ATRN: variants seen among roughly 807,000 people sequenced by gnomAD.
ATRN encodes attractin, also known as attractin-2.
A neutral mutation model predicts 178.7 loss-of-function variants in ATRN; 54 were observed. That is an observed-to-expected ratio of 0.30 (90% confidence interval 0.24 to 0.38). The LOEUF is 0.38. ATRN is among the 10% of genes least tolerant of loss of function. The pLI, the probability that ATRN is intolerant of heterozygous loss-of-function variation, is 1.00. For missense variants in ATRN, 1,443 were observed against 1,815.1 expected (o/e 0.79, Z 3.73); for synonymous variants, 636 against 663.0 (o/e 0.96, Z 0.63).
chr20:3,627,034 G>A (rs754793756), intron 25 of ATRN, among the ~76,000 whole-genome samples: 3 of 152,040 alleles, frequency 2.0e-5, no homozygotes, highest in East Asian at 1.9e-4. Context: ...TGATCCACCC[G>A]CCTCTGCCTC....
In ATRN at chr20:3,604,250, C is replaced by A; in HGVS notation, c.3789C>A (p.Pro1263=). ...TTTATGTCAGTAATTTCACCTGGCCCATCAAAATTCAGGTAAGAAGAGGCT... is the reference window on the plus strand; with the variant it reads ...TTTATGTCAGTAATTTCACCTGGCCAATCAAAATTCAGGTAAGAAGAGGCT... The part of the protein sequence containing the change: ...FFVYVSNFTW[P]IKIQIAFSQH... The change falls in exon 24 of 29, where the codon CCC becomes CCA. Residue 1263 remains proline, a synonymous_variant. Transcript: ENST00000262919. 6.3e-7 allele frequency: 1 copy of A among 1,599,084 alleles called. No homozygotes were observed. Among genetic ancestry groups the A allele is most frequent in the Non-Finnish European group, 8.5e-7 (1 of 1,175,878 alleles).
chr20:3,512,826 G>A (rs962667578), intron 1 of ATRN, among the ~76,000 whole-genome samples: 1 of 152,100 alleles, frequency 6.6e-6, no homozygotes, highest in Non-Finnish European at 1.5e-5. Context: ...GATATCTCAT[G>A]GTGGTTTTGA....
intron 1 of ATRN, among the ~76,000 whole-genome samples, chr20:3,533,735 T>A (rs1219159382): frequency 1.3e-5 from 2 of 152,210 alleles, no homozygotes; most frequent in Non-Finnish European, 2.9e-5. Flanking sequence ...CATTACTATT[T>A]AGGTTTTTCT....
In ATRN at chr20:3,471,073, A is replaced by C. The variant is rs537694946; in HGVS notation, c.-35A>C. ...GGAGCCGGCCGTGCGGTGTGTGTGTATGTGTTCGCGGGGCGCCGTCTCAGC... is the reference window on the plus strand; with the variant it reads ...GGAGCCGGCCGTGCGGTGTGTGTGTCTGTGTTCGCGGGGCGCCGTCTCAGC... On this transcript the variant is annotated 5_prime_UTR_variant, in exon 1 of 29. It removes an upstream start codon present in the reference 5' UTR. Transcript: ENST00000262919. 3.4e-5 allele frequency: 51 copies of C among 1,484,306 alleles called. No individual in the cohort carries two copies. Among genetic ancestry groups the C allele is most frequent in the South Asian group, 2.3e-4 (19 of 81,100 alleles). 91.9% of individuals were successfully genotyped at this position (1,484,306 alleles called of 1,614,324 possible).
chr20:3,580,231 TATTAC>T (rs1227932387), intron 15 of ATRN, among the ~76,000 whole-genome samples: 9 of 152,196 alleles, frequency 5.9e-5, no homozygotes, highest in African/African-American at 2.2e-4. Flanking sequence ...CAGCTTTGCT[TATTAC>T]CCTGGTGTCT....
intron 24 of ATRN, among the ~76,000 whole-genome samples, chr20:3,608,666 G>A (rs1395172740): frequency 6.6e-6 from 1 of 151,990 alleles, no homozygotes; most frequent in Admixed American, 6.6e-5. Context: ...TGTTCTTTTT[G>A]CTCAGAAATG....
At position 3,565,383 on chromosome 20, in the gene ATRN, C is replaced by G. The variant is rs2086017931; in HGVS notation, c.1822C>G (p.Leu608Val). 6.8e-6 allele frequency: 11 copies of G among 1,614,146 alleles called. No homozygotes were observed. The highest frequency in any genetic ancestry group is 9.3e-6 in the Non-Finnish European group (11 of 1,180,004). ...DRWSVLPRPD[L>V]HHDVNRFGHS... Reference sequence around the variant, plus strand: ...CTGGTCAGTGCTTCCCAGACCTGATCTCCACCATGATGTCAACAGATTTGG... The same window carrying G: ...CTGGTCAGTGCTTCCCAGACCTGATGTCCACCATGATGTCAACAGATTTGG... Residue 608 changes from leucine (L) to valine (V), a missense_variant, in exon 11 of 29, where the codon CTC becomes GTC. This residue lies in a region of ATRN where 862 missense variants were observed against 972.1 expected (regional missense o/e 0.89). Transcript: ENST00000262919.
chr20:3,547,979 C>T (rs529934389), intron 5 of ATRN, among the ~76,000 whole-genome samples: 15 of 152,286 alleles, frequency 9.8e-5, no homozygotes, highest in African/African-American at 3.6e-4. Context: ...TTCTTGTAAA[C>T]TTACCCCTTC....
At chr20:3,595,648 T>C (rs1451089327) in intron 20 of ATRN, among the ~76,000 whole-genome samples, 1 of 152,190 alleles carries the variant, frequency 6.6e-6, no homozygotes, top group African/African-American at 2.4e-5. Flanking sequence ...AACAAAGACA[T>C]GAGGTGGCAT....
At position 3,479,171 on chromosome 20, in the gene ATRN, A is replaced by G. The variant is rs143383016; in HGVS notation, c.410+7654A>G. Among the ~76,000 whole-genome samples, 752 of 152,234 alleles carry G rather than the reference A, an allele frequency of 4.9e-3. 4 individuals are homozygous for G. The highest frequency in any genetic ancestry group is 0.021 in the Middle Eastern group (6 of 292). The stretch of plus-strand genomic sequence containing the variant: ...CTCCCAAAGTGCTGGGATTACAGGC[A>G]TGAGCCACTGCACCTGACCCCTATT... On this transcript the variant is annotated intron_variant, in intron 1 of 28. Transcript: ENST00000262919.
intron 1 of ATRN, among the ~76,000 whole-genome samples, chr20:3,525,731 C>T (rs1160047337): frequency 6.6e-6 from 1 of 152,198 alleles, no homozygotes; most frequent in African/African-American, 2.4e-5. Flanking sequence ...CCCTGGGATG[C>T]AAGATGGGTT....
chr20:3,505,704 T>C (rs2085033880), intron 1 of ATRN, among the ~76,000 whole-genome samples: 1 of 152,172 alleles, frequency 6.6e-6, no homozygotes, highest in Non-Finnish European at 1.5e-5. Context: ...TGAAGAAACA[T>C]GACCCAACTA....
rs1051291591 is a variant in ATRN, at chr20:3,650,036, C to G, written c.*3189C>G. The G allele has an allele frequency of 2.0e-5, 3 of 152,236 alleles. No individual in the cohort carries two copies. Among genetic ancestry groups the G allele is most frequent in the Non-Finnish European group, 4.4e-5 (3 of 68,108 alleles). The allele number at this position is 152,236 out of a possible 1,614,324, so 9.4% of individuals were successfully genotyped here. On this transcript the variant is annotated 3_prime_UTR_variant, in exon 29 of 29. Transcript: ENST00000262919. ...GCAACCCCAGATCCCCTGAGCTAAC[C>G]CGGAGGAAAGGCAGTCCTGGACAGA...
In ATRN at chr20:3,610,742, C is replaced by CTT. The variant is rs71195847; in HGVS notation, c.3801+6504_3801+6505dup. Among the ~76,000 whole-genome samples, 245 of 65,256 alleles carry CTT rather than the reference C, an allele frequency of 3.8e-3. 4 individuals carry two copies. Among genetic ancestry groups the CTT allele is most frequent in the African/African-American group, 0.011 (166 of 15,126 alleles). The allele number at this position is 65,256 out of a possible 152,430, so 42.8% of individuals were successfully genotyped here. On this transcript the variant is annotated intron_variant, in intron 24 of 28. Coordinates refer to ENST00000262919, the MANE Select transcript of ATRN (RefSeq NM_139321.3). ...TGCATACCACCATGCCTGGCTAATT[C>CTT]TTTTTTTTTTTTTTTTTTTTTTTTT...
At chr20:3,498,770 C>T (rs2084915495) in intron 1 of ATRN, among the ~76,000 whole-genome samples, 1 of 150,024 alleles carries the variant, frequency 6.7e-6, no homozygotes, top group African/African-American at 2.5e-5. Context: ...TGAAAACTGG[C>T]ACAAGTCAGG....
chr20:3,512,183 T>G lies in ATRN; in HGVS notation c.411-23070T>G, dbSNP rs191388079. Among the ~76,000 whole-genome samples the G allele has an allele frequency of 4.0e-5, 6 of 150,290 alleles. No homozygotes were observed. The East Asian group carries it at 1.2e-3, about 29-fold the overall frequency. On this transcript the variant is annotated intron_variant, in intron 1 of 28. Coordinates refer to ENST00000262919, the MANE Select transcript of ATRN (RefSeq NM_139321.3). Reference sequence around the variant, plus strand: ...CAGGTTTGTTACATACGTATACATGTGCCATGTTGGTGTGCTGCACCCATT... The same window carrying G: ...CAGGTTTGTTACATACGTATACATGGGCCATGTTGGTGTGCTGCACCCATT...
chr20:3,516,112 T>C (rs982393441), intron 1 of ATRN, among the ~76,000 whole-genome samples: 4 of 152,200 alleles, frequency 2.6e-5, no homozygotes, highest in Non-Finnish European at 5.9e-5. Context: ...ACAAGTAAGA[T>C]ATCAGCTAAT....
At chr20:3,628,136 C>T (rs772571200) in intron 25 of ATRN, among the ~76,000 whole-genome samples, 3 of 152,204 alleles carry the variant, frequency 2.0e-5, no homozygotes, top group Non-Finnish European at 4.4e-5. Context: ...CGCGCCACTG[C>T]ACTCCAACCT....
intron 20 of ATRN, 29 bp from the exon 21 acceptor site, chr20:3,596,348 A>C (rs1224795397): frequency 3.8e-6 from 6 of 1,590,680 alleles, no homozygotes; most frequent in Non-Finnish European, 4.3e-6. Context: ...TTTAAATAGC[A>C]GTATAAAATA....
Sources: gnomAD v4.1 joint callset for allele counts (sites outside exome capture counted in the v4.1 genomes callset) on GRCh38, gnomAD v4.1.1 for gene constraint, gnomAD v4.1.1 regional missense constraint, MANE v1.5 for transcripts, NCBI Gene and HGNC (gene_info 2026-07-23, HGNC 2026-07-21) for gene names.